MCM8: variants seen among roughly 807,000 people sequenced by gnomAD.
MCM8 encodes minichromosome maintenance 8 homologous recombination repair factor.
In MCM8, 85 loss-of-function variants were observed where a neutral mutation model predicts 98.9. That is an observed-to-expected ratio of 0.86 (90% CI 0.72 to 1.03). The LOEUF is 1.03. Ranked by LOEUF, MCM8 falls within the 50% of genes least tolerant of loss-of-function variation. The pLI is 0.00. For missense variants in MCM8, 951 were observed against 997.8 expected (o/e 0.95, Z 0.63); for synonymous variants, 352 against 338.6 (o/e 1.04, Z -0.44).
intron 2 of MCM8, 110 bp downstream of exon 2, chr20:5,952,273 T>C (rs1180730730): frequency 4.5e-6 from 7 of 1,562,750 alleles, no homozygotes; most frequent in Non-Finnish European, 6.1e-6. Flanking sequence ...TTCATGCTAC[T>C]CCTTAGTAAG....
intron 13 of MCM8, among the ~76,000 whole-genome samples, chr20:5,981,611 A>G (rs547041837): frequency 3.8e-4 from 58 of 152,358 alleles, no homozygotes; most frequent in Non-Finnish European, 5.7e-4. Flanking sequence ...AAGAATTCAT[A>G]TATACTGTGT....
chr20:5,974,861 A>G (rs569652127), intron 12 of MCM8, among the ~76,000 whole-genome samples: 16 of 152,164 alleles, frequency 1.1e-4, no homozygotes, highest in Non-Finnish European at 2.2e-4. Flanking sequence ...CCTTTTGGCC[A>G]TCTGGGGCTA....
At chr20:5,951,099 C>T (rs920997659) in intron 1 of MCM8, 76 bp downstream of exon 1, 2 of 152,202 alleles carry the variant, frequency 1.3e-5, no homozygotes, top group Non-Finnish European at 2.9e-5. Flanking sequence ...TTTCTTTTTA[C>T]TCTTTCTCCA....
At chr20:5,956,018 T>G (rs77937256) in intron 5 of MCM8, among the ~76,000 whole-genome samples, 3,680 of 152,276 alleles carry the variant, frequency 0.024, 134 homozygotes, top group African/African-American at 0.077. Context: ...CCGCCTGCCT[T>G]GGCTTCCTAA....
Position 5,950,782 on chromosome 20 carries a change from T to G in MCM8, c.-247T>G. ...GGAAGCTGCGGTGGGGAAACTGAGT[T>G]TCCCGAGCCGTTGAGACAGATGGGG... On this transcript the variant is annotated 5_prime_UTR_variant, in exon 1 of 19. Transcript: ENST00000610722. 6.0e-6 allele frequency: 1 copy of G among 166,978 alleles called. No individual in the cohort carries two copies. The highest frequency in any genetic ancestry group is 1.3e-5 in the Non-Finnish European group (1 of 77,080). The allele number at this position is 166,978 out of a possible 1,614,324, so 10.3% of individuals were successfully genotyped here.
chr20:5,952,218 C>G (rs1303792678), intron 2 of MCM8, 55 bp downstream of exon 2: 6 of 1,603,340 alleles, frequency 3.7e-6, no homozygotes, highest in Non-Finnish European at 5.1e-6. Context: ...CAATTCACGT[C>G]TATCATACAA....
rs200059540 is a variant in MCM8 at position 5,967,784 on chromosome 20, G to A, written c.1028-46G>A. 2.1e-5 allele frequency: 32 copies of A among 1,499,186 alleles called. No homozygotes were observed. The African/African-American group carries it at 4.0e-4, about 19-fold the overall frequency. 92.9% of individuals were successfully genotyped at this position (1,499,186 alleles called of 1,614,324 possible). A position where few individuals can be genotyped will look rare whatever the true frequency, so the allele number is the denominator to read the frequency against. The stretch of plus-strand genomic sequence containing the variant: ...TATATTCTAGTTGAGTCATTGTAGG[G>A]AAAATGAAAATACCAACTATTGTAT... On this transcript the variant is annotated intron_variant, in intron 9 of 18. Transcript: ENST00000610722.
At chr20:5,976,363 C>G (rs538935940) in intron 12 of MCM8, among the ~76,000 whole-genome samples, 32 of 152,256 alleles carry the variant, frequency 2.1e-4, no homozygotes. Flanking sequence ...AGAAACGCCA[C>G]ACTTTGAGAC....
At chr20:5,973,437 G>A (rs994659394) in intron 12 of MCM8, among the ~76,000 whole-genome samples, 7 of 152,134 alleles carry the variant, frequency 4.6e-5, no homozygotes, top group African/African-American at 1.7e-4. Flanking sequence ...CAACTATTAG[G>A]AAATATTAAC....
chr20:5,958,510 T>C lies in MCM8; in HGVS notation c.591-18T>C, dbSNP rs1371686944. Reference sequence around the variant, plus strand: ...AAAACATCAATTTTCTGTTCATTACTTCCTGTTTTGTCTTTAGGGTGTACA... The same window carrying C: ...AAAACATCAATTTTCTGTTCATTACCTCCTGTTTTGTCTTTAGGGTGTACA... On this transcript the variant is annotated intron_variant, in intron 6 of 18. Transcript: ENST00000610722. 1.4e-5 allele frequency: 22 copies of C among 1,594,656 alleles called. No homozygotes were observed. Among genetic ancestry groups the C allele is most frequent in the Non-Finnish European group, 1.9e-5 (22 of 1,167,952 alleles).
intron 6 of MCM8, 115 bp from the exon 7 acceptor site, chr20:5,958,413 C>A: frequency 1.3e-6 from 1 of 752,776 alleles, no homozygotes; most frequent in Non-Finnish European, 2.2e-6. Context: ...TGTGATATTT[C>A]TGATATATCG....
chr20:5,974,247 C>T (rs1431028896), intron 12 of MCM8, among the ~76,000 whole-genome samples: 1 of 152,200 alleles, frequency 6.6e-6, no homozygotes, highest in Non-Finnish European at 1.5e-5. Context: ...TCTTCCAACT[C>T]AGCCTCTCAA....
At chr20:5,985,881 T>A in intron 15 of MCM8, 41 bp from the exon 16 acceptor site, 1 of 1,592,980 alleles carries the variant, frequency 6.3e-7, no homozygotes, top group Non-Finnish European at 8.6e-7. Flanking sequence ...TTTTATTTGC[T>A]ACTTATCCTT....
Position 5,952,038 on chromosome 20 carries a change from G to T in MCM8, c.23G>T (p.Arg8Ile). Residue 8 changes from arginine to isoleucine, a missense_variant, in exon 2 of 19, where the codon AGA (arginine) becomes ATA (isoleucine). Arg to Ile is a moderately conservative substitution (Grantham distance 97). Transcript: ENST00000610722. MNGEYRG[R>I]GFGRGRFQSW... ...GAGATGAATGGAGAGTATAGAGGCA[G>T]AGGATTTGGACGAGGAAGATTTCAA... 1 of 1,614,022 alleles carries T rather than the reference G, an allele frequency of 6.2e-7. No individual in the cohort carries two copies. The highest frequency in any genetic ancestry group is 8.5e-7 in the Non-Finnish European group (1 of 1,179,938).
At chr20:5,972,810 A>G (rs992510109) in intron 11 of MCM8, 12 of 1,428,750 alleles carry the variant, frequency 8.4e-6, no homozygotes, top group Non-Finnish European at 1.1e-5. Context: ...GAATGGATTT[A>G]TGCCTTGCAA....
chr20:5,996,521 TAAATA>T lies in MCM8; in HGVS notation c.*2132_*2136del, dbSNP rs1568606418. On this transcript the variant is annotated 3_prime_UTR_variant, in exon 19 of 19. Transcript: ENST00000610722. ...ACAGAGTGAGACTCTTTCTCCAAACTAAATAAGAGATATTTAAAGCTGAAAAAAAA... is the reference window on the plus strand; with the variant it reads ...ACAGAGTGAGACTCTTTCTCCAAACTAGAGATATTTAAAGCTGAAAAAAAA... The T allele has an allele frequency of 6.7e-6, 1 of 148,418 alleles. No homozygotes were observed. Among genetic ancestry groups the T allele is most frequent in the African/African-American group, 2.4e-5 (1 of 41,066 alleles). 9.2% of individuals were successfully genotyped at this position (148,418 alleles called of 1,614,324 possible).
intron 8 of MCM8, among the ~76,000 whole-genome samples, chr20:5,963,610 G>A (rs1400722159): frequency 6.8e-6 from 1 of 147,154 alleles, no homozygotes; most frequent in East Asian, 2.0e-4. Flanking sequence ...CTCACTGCAA[G>A]CTCTCCCTCT....
At chr20:5,971,055 T>G (rs1027908340) in intron 10 of MCM8, among the ~76,000 whole-genome samples, 3 of 152,126 alleles carry the variant, frequency 2.0e-5, no homozygotes, top group African/African-American at 7.2e-5. Context: ...CTGAAGCAGT[T>G]CTTCCACCTT....
At chr20:5,973,689 C>CT (rs772716103) in intron 12 of MCM8, among the ~76,000 whole-genome samples, 41 of 152,158 alleles carry the variant, frequency 2.7e-4, no homozygotes, top group Non-Finnish European at 5.1e-4. Flanking sequence ...GAGTCACACT[C>CT]TGTTGCCCAG....
Sources: allele counts gnomAD v4.1 joint callset (sites outside exome capture counted in the v4.1 genomes callset), GRCh38; gene constraint gnomAD v4.1.1; transcripts MANE v1.5; gene names NCBI Gene and HGNC (gene_info 2026-07-23, HGNC 2026-07-21).